Variants in DNM3 observed in about 807,000 individuals in gnomAD.
The protein encoded by DNM3 is dynamin 3, also known as dynamin-3.
DNM3 carries 47 observed loss-of-function variants against 101.6 expected under a neutral mutation model. The observed-to-expected ratio is 0.46, with a 90% CI of 0.37 to 0.59. The LOEUF (loss-of-function observed/expected upper bound fraction) is 0.59, where lower values mean the gene tolerates loss of function less well. Among genes scored for constraint, DNM3 ranks in the 20% least tolerant of loss-of-function variants. The pLI, the probability that DNM3 is intolerant of heterozygous loss-of-function variation, is 0.00. For synonymous variants in DNM3, 385 were observed against 387.9 expected (o/e 0.99, Z 0.09); for missense variants, 849 against 1,085.7 (o/e 0.78, Z 3.06).
At chr1:172,302,961 A>C (rs763554656) in intron 15 of DNM3, among the ~76,000 whole-genome samples, 1 of 152,198 alleles carries the variant, frequency 6.6e-6, no homozygotes, top group Non-Finnish European at 1.5e-5. Context: ...TAAAAACCAG[A>C]GCACTTTTTC....
chr1:172,384,173 C>T (rs971462498), intron 18 of DNM3, among the ~76,000 whole-genome samples: 106 of 152,104 alleles, frequency 7.0e-4, no homozygotes, highest in African/African-American at 2.4e-3. Context: ...TTTAGTGTCA[C>T]AAAGCTAGGT....
chr1:172,287,408 A>T (rs1374486129), intron 15 of DNM3, among the ~76,000 whole-genome samples: 1 of 152,216 alleles, frequency 6.6e-6, no homozygotes. Flanking sequence ...ATTAATGCTG[A>T]CAAGGACCTG....
chr1:172,409,268 C>G lies in DNM3; in HGVS notation c.*1427C>G. ...TCTACAGAAGTAAATCAGGTTTCACCAACTGAAATGTCTCCCTTTGAAAGT... is the reference window on the plus strand; with the variant it reads ...TCTACAGAAGTAAATCAGGTTTCACGAACTGAAATGTCTCCCTTTGAAAGT... On this transcript the variant is annotated 3_prime_UTR_variant, in exon 21 of 21. Coordinates refer to ENST00000627582, the MANE Select transcript of DNM3 (RefSeq NM_015569.5). 1.0e-6 allele frequency: 1 copy of G among 985,338 alleles called. No individual in the cohort carries two copies. Among genetic ancestry groups the G allele is most frequent in the Non-Finnish European group, 1.2e-6 (1 of 829,892 alleles). The allele number at this position is 985,338 out of a possible 1,614,324, so 61.0% of individuals were successfully genotyped here.
chr1:172,226,260 CAACCCCCT>C, intron 14 of DNM3, among the ~76,000 whole-genome samples: 1 of 152,244 alleles, frequency 6.6e-6, no homozygotes. Context: ...AAGTCTCCTC[CAACCCCCT>C]AGCTGTTATG....
At chr1:172,100,114 T>A (rs543304310) in intron 13 of DNM3, among the ~76,000 whole-genome samples, 1 of 152,338 alleles carries the variant, frequency 6.6e-6, no homozygotes, top group Admixed American at 6.5e-5. Context: ...GGGTACTTCT[T>A]AGTCTCAAGC....
chr1:172,192,392 A>G (rs1290183741), intron 14 of DNM3, among the ~76,000 whole-genome samples: 1 of 146,922 alleles, frequency 6.8e-6, no homozygotes, highest in Non-Finnish European at 1.5e-5. Flanking sequence ...TTTTATTATT[A>G]TACTTTAAGT....
intron 1 of DNM3, among the ~76,000 whole-genome samples, chr1:171,892,175 G>C (rs1007275611): frequency 2.0e-5 from 3 of 151,890 alleles, no homozygotes; most frequent in Non-Finnish European, 2.9e-5. Context: ...GTGTGTGTGC[G>C]TGTGTGTGTG....
chr1:172,174,568 A>C (rs2059085327), intron 14 of DNM3, among the ~76,000 whole-genome samples: 1 of 151,702 alleles, frequency 6.6e-6, no homozygotes, highest in Non-Finnish European at 1.5e-5. Flanking sequence ...TTTTTTAACA[A>C]ATGTCTCAGT....
chr1:172,072,329 A>G (rs1407596923), intron 11 of DNM3, among the ~76,000 whole-genome samples: 1 of 152,198 alleles, frequency 6.6e-6, no homozygotes, highest in African/African-American at 2.4e-5. Context: ...TTTTTTTCAT[A>G]CAAGTATGAT....
chr1:172,311,668 T>G (rs570179023), intron 16 of DNM3, among the ~76,000 whole-genome samples: 2 of 152,130 alleles, frequency 1.3e-5, no homozygotes, highest in Non-Finnish European at 2.9e-5. Flanking sequence ...AAGTTATCCA[T>G]CTCCCAGTAA....
chr1:172,205,478 G>T (rs958877942), intron 14 of DNM3, among the ~76,000 whole-genome samples: 2 of 151,954 alleles, frequency 1.3e-5, no homozygotes, highest in Non-Finnish European at 2.9e-5. Flanking sequence ...AAATTAAAAT[G>T]GAGAATTTTA....
chr1:172,098,336 T>C (rs1232020625), intron 13 of DNM3, among the ~76,000 whole-genome samples: 3 of 152,192 alleles, frequency 2.0e-5, no homozygotes, highest in Non-Finnish European at 4.4e-5. Flanking sequence ...TTTCTCCCAT[T>C]TGCTTTTGAA....
At chr1:172,360,075 T>G (rs1201235855) in intron 17 of DNM3, among the ~76,000 whole-genome samples, 1 of 152,094 alleles carries the variant, frequency 6.6e-6, no homozygotes, top group Non-Finnish European at 1.5e-5. Context: ...AAAAATTAGT[T>G]GTTTCCTTAT....
intron 2 of DNM3, among the ~76,000 whole-genome samples, chr1:171,968,133 A>G (rs998239283): frequency 2.6e-5 from 4 of 152,192 alleles, no homozygotes; most frequent in African/African-American, 9.7e-5. Context: ...AGATGCTTTG[A>G]ATGTATACAT....
intron 1 of DNM3, among the ~76,000 whole-genome samples, chr1:171,877,432 A>G (rs920718770): frequency 2.6e-5 from 4 of 152,214 alleles, no homozygotes; most frequent in African/African-American, 4.8e-5. Flanking sequence ...TGAATACTTC[A>G]TTCATTTTAG....
intron 17 of DNM3, among the ~76,000 whole-genome samples, chr1:172,334,121 C>T (rs1246670293): frequency 2.0e-5 from 3 of 152,188 alleles, no homozygotes; most frequent in Non-Finnish European, 4.4e-5. Context: ...ATTAAGAAAC[C>T]GAAAAAATAC....
chr1:172,127,805 C>G lies in DNM3; in HGVS notation c.1546-3370C>G, dbSNP rs189327214. Among the ~76,000 whole-genome samples, 387 of 152,220 alleles carry G rather than the reference C, an allele frequency of 2.5e-3. 5 individuals are homozygous for G. Among genetic ancestry groups the G allele is most frequent in the Admixed American group, 0.024 (362 of 15,296 alleles). On this transcript the variant is annotated intron_variant, in intron 13 of 20. Transcript: ENST00000627582. ...AGAAAGAAAGAAACCTAAAACAAAA[C>G]AGCTATCACTACCATCACCTCCTTT...
intron 15 of DNM3, among the ~76,000 whole-genome samples, chr1:172,276,590 G>A (rs1005705582): frequency 9.4e-5 from 2 of 21,180 alleles, no homozygotes; most frequent in Non-Finnish European, 2.8e-4. Context: ...TGTGTGTATA[G>A]GACTATGTTC....
intron 11 of DNM3, among the ~76,000 whole-genome samples, chr1:172,080,135 GC>G (rs1331529192): frequency 6.6e-6 from 1 of 152,160 alleles, no homozygotes; most frequent in African/African-American, 2.4e-5. Context: ...CTGTCCTTTA[GC>G]AGAGCTCGAG....
Sources: allele counts gnomAD v4.1 joint callset (sites outside exome capture counted in the v4.1 genomes callset), GRCh38; gene constraint gnomAD v4.1.1; transcripts MANE v1.5; gene names NCBI Gene and HGNC (gene_info 2026-07-23, HGNC 2026-07-21).